Variants in TMEM132D observed in about 807,000 individuals in gnomAD.
TMEM132D encodes the protein transmembrane protein 132D, also known as mature OL transmembrane protein.
Under a neutral mutation model 62.3 loss-of-function variants are expected in TMEM132D, and 21 were observed. The observed-to-expected ratio is 0.34, with a 90% CI of 0.24 to 0.49. The LOEUF is 0.49. TMEM132D is among the 20% of genes least tolerant of loss of function. The pLI, the probability that TMEM132D is intolerant of heterozygous loss-of-function variation, is 0.99. For synonymous variants in TMEM132D, 621 were observed against 575.6 expected (o/e 1.08, Z -1.13); for missense variants, 1,346 against 1,402.8 (o/e 0.96, Z 0.65).
In TMEM132D at chr12:129,081,824, T is replaced by A; in HGVS notation, c.1858A>T (p.Arg620Trp). The A allele has an allele frequency of 6.2e-7, 1 of 1,613,768 alleles. No individual in the cohort carries two copies. The highest frequency in any genetic ancestry group is 1.1e-5 in the South Asian group (1 of 91,054). ...TGTCCGCCTTGCAGCTTGGCGATCCTGGGCTCCTCCACCTGCATGAAGTCA... is the reference window on the plus strand; with the variant it reads ...TGTCCGCCTTGCAGCTTGGCGATCCAGGGCTCCTCCACCTGCATGAAGTCA... ...INDFMQVEEPRIAKLQGGQIL... is the reference protein window; with the variant it reads ...INDFMQVEEPWIAKLQGGQIL... Residue 620 changes from arginine to tryptophan, a missense_variant, in exon 7 of 9, where the codon AGG becomes TGG. Arg to Trp is a moderately radical substitution (Grantham distance 101, BLOSUM62 -3). Coordinates refer to ENST00000422113, the MANE Select transcript of TMEM132D (RefSeq NM_133448.3).
chr12:129,838,824 A>G (rs1374703183), intron 1 of TMEM132D, among the ~76,000 whole-genome samples: 3 of 152,216 alleles, frequency 2.0e-5, no homozygotes, highest in African/African-American at 7.2e-5. Context: ...CCCCTTAATT[A>G]TAAAACTTAC....
At chr12:129,319,306 G>T (rs577100870) in intron 4 of TMEM132D, among the ~76,000 whole-genome samples, 2 of 152,102 alleles carry the variant, frequency 1.3e-5, no homozygotes, top group Admixed American at 6.5e-5. Context: ...CCTGTATTTC[G>T]CTTGGCTCTC....
chr12:129,552,482 C>G (rs11060428), intron 2 of TMEM132D, among the ~76,000 whole-genome samples: 31,019 of 151,848 alleles, frequency 0.2, 3,614 homozygotes, highest in East Asian at 0.42. Context: ...TATCTATTAT[C>G]TCTCTACATT....
In TMEM132D at chr12:129,072,799, CT is replaced by C. The variant is rs1361326973; in HGVS notation, c.*1075del. On this transcript the variant is annotated 3_prime_UTR_variant, in exon 9 of 9. Coordinates refer to ENST00000422113, the MANE Select transcript of TMEM132D (RefSeq NM_133448.3). ...AGTGAAAGACCCATCCCAAGTGGCC[CT>C]GTTTTCTTTCTAGTAAAGCAAGGGA... 5 of 152,234 alleles carry C rather than the reference CT, an allele frequency of 3.3e-5. No individual in the cohort carries two copies. Among genetic ancestry groups the C allele is most frequent in the Non-Finnish European group, 5.9e-5 (4 of 68,048 alleles). The allele number at this position is 152,234 out of a possible 1,614,324, so 9.4% of individuals were successfully genotyped here.
chr12:129,613,443 G>T (rs1453189921), intron 2 of TMEM132D, among the ~76,000 whole-genome samples: 1 of 152,168 alleles, frequency 6.6e-6, no homozygotes, highest in African/African-American at 2.4e-5. Flanking sequence ...TTCCCCATTT[G>T]CTGTGATTGG....
Position 129,700,166 on chromosome 12 carries a change from G to C in TMEM132D, c.612C>G (p.Ser204Arg). 5 of 1,612,948 alleles carry C rather than the reference G, an allele frequency of 3.1e-6. No individual in the cohort carries two copies. In the South Asian group the frequency reaches 4.4e-5, roughly 14 times the overall value. The change falls in exon 2 of 9, where the codon AGC becomes AGG. Residue 204 changes from serine (S) to arginine (R), a missense_variant. Physicochemically the swap from Ser to Arg is moderately radical, Grantham distance 110. Transcript: ENST00000422113. ...TCCTCCCGGCAACCACCGTGGGGGG[G>C]CTGAACCAGCTGGACAGGAGCTCCA... ...AELELLSSWFSPPTVVAGRRK... is the reference protein window; with the variant it reads ...AELELLSSWFRPPTVVAGRRK...
rs1325563300 is a variant in TMEM132D at position 129,791,790 on chromosome 12, T to G, written c.80-91092A>C. Among the ~76,000 whole-genome samples, 3 of 152,274 alleles carry G rather than the reference T, an allele frequency of 2.0e-5. No individual in the cohort carries two copies. In the East Asian group the frequency reaches 5.8e-4, roughly 30 times the overall value. ...GTTTGTTAGCTACTGATTCTTTGAA[T>G]GTTGGCTGCAAAAAATCAATTTGAA... On this transcript the variant is annotated intron_variant, in intron 1 of 8. Transcript: ENST00000422113.
intron 3 of TMEM132D, among the ~76,000 whole-genome samples, chr12:129,340,131 T>C (rs1869420917): frequency 6.6e-6 from 1 of 152,164 alleles, no homozygotes; most frequent in Non-Finnish European, 1.5e-5. Context: ...AAGTGCTCCC[T>C]TTACTTCATC....
At chr12:129,345,259 G>T (rs1339224676) in intron 3 of TMEM132D, among the ~76,000 whole-genome samples, 3 of 152,272 alleles carry the variant, frequency 2.0e-5, no homozygotes, top group South Asian at 2.1e-4. Context: ...TTTTGGCAGG[G>T]ATCCCCTCAT....
chr12:129,886,775 G>A (rs114918571), intron 1 of TMEM132D, among the ~76,000 whole-genome samples: 2,934 of 152,226 alleles, frequency 0.019, 99 homozygotes, highest in African/African-American at 0.067. Flanking sequence ...TCGTGGAAGG[G>A]ACCCGGTGGG....
At chr12:129,347,341 G>T (rs553350555) in intron 3 of TMEM132D, among the ~76,000 whole-genome samples, 1 of 152,252 alleles carries the variant, frequency 6.6e-6, no homozygotes, top group African/African-American at 2.4e-5. Flanking sequence ...AAACAGCATG[G>T]TACTGGTACC....
intron 3 of TMEM132D, among the ~76,000 whole-genome samples, chr12:129,436,742 C>A (rs1872797034): frequency 6.6e-6 from 1 of 151,966 alleles, no homozygotes; most frequent in Admixed American, 6.6e-5. Flanking sequence ...TATAGAAAAC[C>A]AAGTGTGTGC....
At chr12:129,196,778 C>T (rs1175334871) in intron 5 of TMEM132D, among the ~76,000 whole-genome samples, 1 of 152,118 alleles carries the variant, frequency 6.6e-6, no homozygotes, top group Non-Finnish European at 1.5e-5. Flanking sequence ...GTGATCTAAA[C>T]AATTCATTAT....
At chr12:129,295,739 A>T (rs1412878491) in intron 4 of TMEM132D, among the ~76,000 whole-genome samples, 2 of 152,168 alleles carry the variant, frequency 1.3e-5, no homozygotes, top group African/African-American at 4.8e-5. Context: ...AAGTTCTTAT[A>T]CAAAAGTCTT....
intron 5 of TMEM132D, among the ~76,000 whole-genome samples, chr12:129,195,673 A>G (rs1878528051): frequency 6.6e-6 from 1 of 152,224 alleles, no homozygotes; most frequent in Admixed American, 6.5e-5. Flanking sequence ...CCTACTTATA[A>G]GGGAATTTAA....
intron 4 of TMEM132D, among the ~76,000 whole-genome samples, chr12:129,290,258 T>A (rs955884786): frequency 2.6e-5 from 4 of 152,030 alleles, no homozygotes; most frequent in African/African-American, 9.7e-5. Context: ...GGTGGGAGCA[T>A]CTTGAAATGG....
intron 1 of TMEM132D, among the ~76,000 whole-genome samples, chr12:129,793,112 C>T (rs1565987271): frequency 6.7e-6 from 1 of 149,526 alleles, no homozygotes; most frequent in Non-Finnish European, 1.5e-5. Flanking sequence ...CAGGGTCTCA[C>T]TGTGTTGTCC....
chr12:129,687,929 A>G (rs1475274333), intron 2 of TMEM132D, among the ~76,000 whole-genome samples: 2 of 152,174 alleles, frequency 1.3e-5, no homozygotes, highest in Non-Finnish European at 2.9e-5. Context: ...AATTCAGGAA[A>G]ATGGTAGGCA....
intron 1 of TMEM132D, among the ~76,000 whole-genome samples, chr12:129,772,725 C>T (rs2098032609): frequency 6.6e-6 from 1 of 152,206 alleles, no homozygotes; most frequent in South Asian, 2.1e-4. Flanking sequence ...ATCAGAGCCT[C>T]AAAAGAGAGC....
Sources: gnomAD v4.1 joint callset for allele counts (sites outside exome capture counted in the v4.1 genomes callset) on GRCh38, gnomAD v4.1.1 for gene constraint, MANE v1.5 for transcripts, NCBI Gene and HGNC (gene_info 2026-07-23, HGNC 2026-07-21) for gene names.